Variants in LIN54 observed in about 807,000 individuals in gnomAD.
LIN54 encodes lin-54 DREAM MuvB core complex component.
LIN54 carries 9 observed loss-of-function variants against 78.7 expected under a neutral mutation model. The ratio of observed to expected loss-of-function variants is 0.11; its 90% confidence interval spans 0.07 to 0.20. The LOEUF (loss-of-function observed/expected upper bound fraction) is 0.20. Among genes scored for constraint, LIN54 ranks in the 10% least tolerant of loss-of-function variants. LIN54 has a pLI of 1.00. For missense variants in LIN54, 573 were observed against 889.9 expected (o/e 0.64, Z 4.53); for synonymous variants, 269 against 318.4 (o/e 0.84, Z 1.65).
intron 1 of LIN54, among the ~76,000 whole-genome samples, chr4:82,996,059 T>C (rs6846980): frequency 1 from 151,048 of 151,684 alleles, 75,208 homozygotes; most frequent in Middle Eastern, 1. Context: ...GCAGGAGAAT[T>C]GCTTGAACCC....
chr4:83,010,941 A>G (rs1408263296), upstream of LIN54: 1 of 812,178 alleles, frequency 1.2e-6, no homozygotes, highest in African/African-American at 1.8e-5. Context: ...GGGCCGTGCA[A>G]GTGCACACGG....
intron 1 of LIN54, among the ~76,000 whole-genome samples, chr4:83,009,761 CCTT>C (rs762689820): frequency 6.6e-6 from 1 of 152,206 alleles, no homozygotes; most frequent in East Asian, 1.9e-4. Context: ...TCGCAACTCT[CCTT>C]CTTAACAATG....
intron 1 of LIN54, among the ~76,000 whole-genome samples, chr4:83,008,429 T>C (rs143887985): frequency 1.1e-3 from 172 of 152,258 alleles, no homozygotes; most frequent in African/African-American, 3.8e-3. Context: ...GGTGGGTGGA[T>C]CACGAGGTCA....
chr4:82,982,258 T>C (rs540301689), intron 2 of LIN54, among the ~76,000 whole-genome samples: 1 of 152,114 alleles, frequency 6.6e-6, no homozygotes, highest in Non-Finnish European at 1.5e-5. Context: ...TGAGACAGGG[T>C]TTTCCTGTAG....
chr4:82,967,870 G>A (rs1440284751), intron 4 of LIN54, among the ~76,000 whole-genome samples: 2 of 152,092 alleles, frequency 1.3e-5, no homozygotes, highest in Non-Finnish European at 2.9e-5. Context: ...GAAAGGGAGA[G>A]GAGGTTGAAG....
intron 11 of LIN54, among the ~76,000 whole-genome samples, chr4:82,933,329 TG>T (rs2126030175): frequency 6.6e-6 from 1 of 150,860 alleles, no homozygotes; most frequent in Admixed American, 6.6e-5. Context: ...GGAGCTCAGA[TG>T]GAGAAATTAC....
chr4:82,938,387 T>C (rs367612730), intron 8 of LIN54, 26 bp downstream of exon 8: 2 of 1,257,344 alleles, frequency 1.6e-6, no homozygotes, highest in Non-Finnish European at 2.3e-6. Flanking sequence ...TCTAACAACT[T>C]ATGTACCTAT....
chr4:82,976,382 CAAA>C (rs34687744), intron 3 of LIN54, among the ~76,000 whole-genome samples: 1 of 136,496 alleles, frequency 7.3e-6, no homozygotes, highest in African/African-American at 2.6e-5. Flanking sequence ...CAAAAATCAT[CAAA>C]AAAAAAAAAA....
At chr4:83,005,156 G>A (rs1386350405) in intron 1 of LIN54, among the ~76,000 whole-genome samples, 1 of 152,082 alleles carries the variant, frequency 6.6e-6, no homozygotes, top group Non-Finnish European at 1.5e-5. Context: ...TCGGCCTCCT[G>A]AAGTGCTAGG....
At chr4:82,988,840 T>C (rs1190969057) in intron 1 of LIN54, among the ~76,000 whole-genome samples, 1 of 152,214 alleles carries the variant, frequency 6.6e-6, no homozygotes, top group Non-Finnish European at 1.5e-5. Flanking sequence ...GTGCATATTG[T>C]CTGTCTGTAT....
chr4:82,996,686 G>A (rs1342931117), intron 1 of LIN54, among the ~76,000 whole-genome samples: 1 of 151,944 alleles, frequency 6.6e-6, no homozygotes, highest in Admixed American at 6.6e-5. Context: ...TTACAGGCTT[G>A]AGCCACCACA....
At chr4:82,979,106 C>T (rs1008709511) in intron 2 of LIN54, 100 bp from the exon 3 acceptor site, 6 of 851,460 alleles carry the variant, frequency 7.0e-6, no homozygotes, top group East Asian at 2.5e-5. Flanking sequence ...CATGTAAAAC[C>T]AGCTCACTTA....
At chr4:83,010,834 T>A, upstream of LIN54, 1 of 1,210,392 alleles carries the variant, frequency 8.3e-7, no homozygotes, top group East Asian at 3.3e-5. Context: ...AACCTCCCCC[T>A]TCCTCCTCCT....
intron 2 of LIN54, among the ~76,000 whole-genome samples, chr4:82,983,007 GT>G (rs66577460): frequency 0.56 from 65,669 of 116,634 alleles, 16,710 homozygotes; most frequent in Admixed American, 0.67. Context: ...TGCATTTCTT[GT>G]TTTTTTTTTT....
chr4:83,004,398 C>CAAAAAAAA (rs34722830), intron 1 of LIN54, among the ~76,000 whole-genome samples: 1 of 100,930 alleles, frequency 9.9e-6, no homozygotes, highest in Non-Finnish European at 1.9e-5. Flanking sequence ...GACTCCGTTG[C>CAAAAAAAA]AAAAAAAAAA....
At chr4:82,982,292 G>A (rs1395066294) in intron 2 of LIN54, among the ~76,000 whole-genome samples, 9 of 151,866 alleles carry the variant, frequency 5.9e-5, no homozygotes, top group Admixed American at 2.0e-4. Flanking sequence ...GCAGTGATGC[G>A]ACCACAGCTC....
intron 4 of LIN54, among the ~76,000 whole-genome samples, chr4:82,967,676 G>A (rs377317494): frequency 6.6e-6 from 1 of 152,162 alleles, no homozygotes; most frequent in East Asian, 1.9e-4. Context: ...CAGGGAACTT[G>A]GCAATGTGGC....
chr4:82,998,025 A>AAT lies in LIN54; in HGVS notation c.-33+12457_-33+12458dup, dbSNP rs1327029111. ...AAAAAAATAATAATATATATATAAT[A>AAT]ATATATATATATACACACACGTATA... On this transcript the variant is annotated intron_variant, in intron 1 of 12. Transcript: ENST00000340417. Among the ~76,000 whole-genome samples the AAT allele has an allele frequency of 2.5e-3, 210 of 85,252 alleles. 2 individuals are homozygous for AAT. Among genetic ancestry groups the AAT allele is most frequent in the African/African-American group, 9.2e-3 (183 of 19,944 alleles). The allele number at this position is 85,252 out of a possible 152,430, so 55.9% of individuals were successfully genotyped here.
At chr4:82,956,541 G>C (rs2126056516) in intron 4 of LIN54, among the ~76,000 whole-genome samples, 1 of 152,052 alleles carries the variant, frequency 6.6e-6, no homozygotes, top group South Asian at 2.1e-4. Context: ...CCTGAGCCTG[G>C]GAAGTTAAGG....
Sources: gnomAD v4.1 joint callset for allele counts (sites outside exome capture counted in the v4.1 genomes callset) on GRCh38, gnomAD v4.1.1 for gene constraint, MANE v1.5 for transcripts, NCBI Gene and HGNC (gene_info 2026-07-23, HGNC 2026-07-21) for gene names.